The following KCNG3 variants were observed in gnomAD, a reference collection of about 807,000 sequenced individuals.
KCNG3 encodes the protein voltage-gated potassium channel regulatory subunit KCNG3.
Under a neutral mutation model 29.0 loss-of-function variants are expected in KCNG3, and 15 were observed. The ratio of observed to expected loss-of-function variants is 0.52; its 90% CI spans 0.35 to 0.80. The LOEUF is 0.80. KCNG3 is among the 30% of genes least tolerant of loss of function. The probability of loss-of-function intolerance (pLI) is 0.01; values close to 1 mark genes in which losing one functional copy is unlikely to be tolerated. For synonymous variants in KCNG3, 322 were observed against 248.9 expected (o/e 1.29, Z -2.76); for missense variants, 512 against 605.7 (o/e 0.85, Z 1.62).
chr2:42,469,197 T>A (rs1383392535), intron 1 of KCNG3, among the ~76,000 whole-genome samples: 1 of 151,910 alleles, frequency 6.6e-6, no homozygotes, highest in African/African-American at 2.4e-5. Context: ...GGCAGCTGGA[T>A]CACGAGGTCA....
intron 1 of KCNG3, among the ~76,000 whole-genome samples, chr2:42,477,382 TATATATAC>T (rs1673458052): frequency 9.5e-6 from 1 of 105,206 alleles, no homozygotes; most frequent in African/African-American, 4.7e-5. Flanking sequence ...TACACACACA[TATATATAC>T]ACACACACAC....
the KCNG3 span, among the ~76,000 whole-genome samples, chr2:42,419,380 G>A: frequency 2.6e-5 from 4 of 151,568 alleles, no homozygotes; most frequent in African/African-American, 4.9e-5. Context: ...TGGGATTACA[G>A]GCACCTGCCA....
the KCNG3 span, chr2:42,424,957 G>A: frequency 6.6e-6 from 1 of 152,230 alleles, no homozygotes; most frequent in Non-Finnish European, 1.5e-5. Context: ...ATCCACCCCT[G>A]AAAGGGTGAT....
At chr2:42,396,191 T>C in the KCNG3 span, among the ~76,000 whole-genome samples, 3 of 152,232 alleles carry the variant, frequency 2.0e-5, no homozygotes, top group African/African-American at 7.2e-5. Context: ...ACTGCATGTA[T>C]ATCAGTTTTG....
the KCNG3 span, among the ~76,000 whole-genome samples, chr2:42,391,304 G>T: frequency 6.6e-6 from 1 of 152,096 alleles, no homozygotes; most frequent in Non-Finnish European, 1.5e-5. Flanking sequence ...AGCCCCTAAT[G>T]GTTGCCTAAA....
intron 1 of KCNG3, among the ~76,000 whole-genome samples, chr2:42,458,850 T>C (rs888100778): frequency 1.3e-5 from 2 of 150,746 alleles, no homozygotes; most frequent in African/African-American, 2.4e-5. Context: ...ATTATGTCAG[T>C]GTGGGGTAGG....
chr2:42,422,175 T>C, the KCNG3 span, among the ~76,000 whole-genome samples: 1 of 152,166 alleles, frequency 6.6e-6, no homozygotes, highest in African/African-American at 2.4e-5. Flanking sequence ...AGTTTATGTG[T>C]TGGAAAGTTA....
the KCNG3 span, among the ~76,000 whole-genome samples, chr2:42,411,585 C>T: frequency 6.6e-6 from 1 of 152,130 alleles, no homozygotes; most frequent in Non-Finnish European, 1.5e-5. Context: ...TGGGTTCAGG[C>T]AATTCTCATG....
At chr2:42,457,301 G>A (rs922893046) in intron 1 of KCNG3, among the ~76,000 whole-genome samples, 9 of 150,348 alleles carry the variant, frequency 6.0e-5, no homozygotes, top group Admixed American at 2.7e-4. Flanking sequence ...TTTGGGCAAC[G>A]TGACGAAACT....
At chr2:42,431,919 AT>A in the KCNG3 span, among the ~76,000 whole-genome samples, 1 of 151,952 alleles carries the variant, frequency 6.6e-6, no homozygotes, top group Non-Finnish European at 1.5e-5. Context: ...CATGCCTGTA[AT>A]CCCAGCTACT....
chr2:42,493,196 G>A lies in KCNG3; in HGVS notation c.306C>T (p.Gly102=), dbSNP rs769354044. 1 of 1,610,436 alleles carries A rather than the reference G, an allele frequency of 6.2e-7. No individual in the cohort carries two copies. The highest frequency in any genetic ancestry group is 1.7e-5 in the Admixed American group (1 of 60,010). ...LSFYNEMIYW[G]LEGAHLEYCC... Reference sequence around the variant, plus strand: ...AGTACTCGAGGTGCGCGCCCTCCAGGCCCCAGTAGATCATCTCGTTGTAGA... The same window carrying A: ...AGTACTCGAGGTGCGCGCCCTCCAGACCCCAGTAGATCATCTCGTTGTAGA... The change falls in exon 1 of 2, where the codon GGC becomes GGT. Residue 102 remains glycine, a synonymous_variant. Transcript: ENST00000306078.
At chr2:42,478,222 A>C (rs1054792710) in intron 1 of KCNG3, among the ~76,000 whole-genome samples, 2 of 152,076 alleles carry the variant, frequency 1.3e-5, no homozygotes, top group Non-Finnish European at 2.9e-5. Flanking sequence ...ATCTATATTT[A>C]TCATATTATA....
At chr2:42,454,674 T>A (rs1207581194) in intron 1 of KCNG3, among the ~76,000 whole-genome samples, 1 of 151,432 alleles carries the variant, frequency 6.6e-6, no homozygotes, top group Non-Finnish European at 1.5e-5. Context: ...ATCGTGCCAT[T>A]GTACTGGGCG....
the KCNG3 span, among the ~76,000 whole-genome samples, chr2:42,419,289 G>A: frequency 1.5e-5 from 2 of 130,930 alleles, no homozygotes; most frequent in Non-Finnish European, 3.1e-5. Context: ...CCAGGCTGGA[G>A]TGCAGTGGTG....
At chr2:42,476,864 G>C (rs1348013133) in intron 1 of KCNG3, among the ~76,000 whole-genome samples, 1 of 150,940 alleles carries the variant, frequency 6.6e-6, no homozygotes, top group Non-Finnish European at 1.5e-5. Flanking sequence ...CCCATGATTA[G>C]AGTCATTCAC....
At chr2:42,476,405 A>C (rs908334976) in intron 1 of KCNG3, among the ~76,000 whole-genome samples, 1 of 152,076 alleles carries the variant, frequency 6.6e-6, no homozygotes, top group Admixed American at 6.6e-5. Flanking sequence ...TGAGCCCAGG[A>C]GGTTAAGGCT....
chr2:42,464,900 T>C (rs1451077324), intron 1 of KCNG3, among the ~76,000 whole-genome samples: 1 of 152,204 alleles, frequency 6.6e-6, no homozygotes. Flanking sequence ...TAGGGCTGTG[T>C]GTCTTTAAAA....
intron 1 of KCNG3, among the ~76,000 whole-genome samples, chr2:42,452,633 T>C (rs1324175939): frequency 6.6e-6 from 1 of 152,194 alleles, no homozygotes; most frequent in Non-Finnish European, 1.5e-5. Context: ...AGTATGTCTT[T>C]CTGTGCCTGA....
intron 1 of KCNG3, among the ~76,000 whole-genome samples, chr2:42,476,291 G>C (rs997741088): frequency 5.3e-5 from 8 of 150,778 alleles, no homozygotes; most frequent in African/African-American, 2.0e-4. Flanking sequence ...GGGCAACATA[G>C]AGAAACCCAG....
Sources: allele counts gnomAD v4.1 joint callset (sites outside exome capture counted in the v4.1 genomes callset), GRCh38; gene constraint gnomAD v4.1.1; transcripts MANE v1.5; gene names NCBI Gene and HGNC (gene_info 2026-07-23, HGNC 2026-07-21).